Variants in C12orf75 observed in about 807,000 individuals in gnomAD.
C12orf75 encodes chromosome 12 open reading frame 75.
A neutral mutation model predicts 11.4 loss-of-function variants in C12orf75; 4 were observed. That is an observed-to-expected ratio of 0.35 (90% CI 0.17 to 0.80). C12orf75 has a LOEUF of 0.80. C12orf75 is among the 30% of genes least tolerant of loss of function. The pLI, the probability that C12orf75 is intolerant of heterozygous loss-of-function variation, is 0.52. For missense variants in C12orf75, 89 were observed against 80.4 expected, an observed-to-expected ratio of 1.11 and a Z score of -0.41; for synonymous variants, 30 against 30.0, an observed-to-expected ratio of 1.00 and a Z score of 0.00.
chr12:105,362,438 C>G (rs11112491), intron 2 of C12orf75, among the ~76,000 whole-genome samples: 6 of 138,644 alleles, frequency 4.3e-5, no homozygotes, highest in African/African-American at 8.3e-5. Context: ...GAGGCTGAGG[C>G]GGGTGGATCA....
intron 2 of C12orf75, 47 bp from the exon 3 acceptor site, chr12:105,365,760 C>T (rs1871451807): frequency 5.7e-6 from 8 of 1,392,350 alleles, no homozygotes; most frequent in African/African-American, 1.4e-5. Flanking sequence ...ATGAAGTCCC[C>T]GACTATGTAA....
At chr12:105,365,739 C>T in intron 2 of C12orf75, 68 bp from the exon 3 acceptor site, 1 of 1,131,484 alleles carries the variant, frequency 8.8e-7, no homozygotes. Flanking sequence ...CCCTTTTTCT[C>T]ATAACCAAAA....
At chr12:105,363,664 G>T (rs552385801) in intron 2 of C12orf75, among the ~76,000 whole-genome samples, 3 of 151,974 alleles carry the variant, frequency 2.0e-5, no homozygotes, top group Non-Finnish European at 2.9e-5. Context: ...GTCAGAGGTT[G>T]CAGGGAGCCG....
chr12:105,336,850 G>A (rs927053156), intron 1 of C12orf75, among the ~76,000 whole-genome samples: 1 of 152,216 alleles, frequency 6.6e-6, no homozygotes, highest in Non-Finnish European at 1.5e-5. Context: ...AAGTGATGAT[G>A]AATAAAGAGA....
intron 2 of C12orf75, among the ~76,000 whole-genome samples, chr12:105,349,323 G>C (rs930543257): frequency 2.0e-5 from 3 of 152,228 alleles, no homozygotes; most frequent in Admixed American, 6.5e-5. Flanking sequence ...TGGGTGTCAA[G>C]ACTGATTCAC....
intron 5 of C12orf75, among the ~76,000 whole-genome samples, chr12:105,368,958 C>T (rs1013492969): frequency 3.3e-5 from 5 of 152,068 alleles, no homozygotes; most frequent in East Asian, 1.9e-4. Flanking sequence ...CTGAGTTCTC[C>T]GCTAGTTTTC....
chr12:105,338,517 G>A (rs915303534), intron 1 of C12orf75, among the ~76,000 whole-genome samples: 3 of 152,122 alleles, frequency 2.0e-5, no homozygotes, highest in Admixed American at 6.5e-5. Flanking sequence ...GCTTGTCTTA[G>A]TTCATTTTTG....
chr12:105,364,108 A>G (rs544684988), intron 2 of C12orf75, among the ~76,000 whole-genome samples: 7 of 152,282 alleles, frequency 4.6e-5, no homozygotes, highest in Non-Finnish European at 7.3e-5. Context: ...GCTACCAGTT[A>G]TATACAGATT....
intron 1 of C12orf75, among the ~76,000 whole-genome samples, chr12:105,334,811 CA>C (rs1288590017): frequency 1.1e-4 from 16 of 152,224 alleles, no homozygotes; most frequent in African/African-American, 3.9e-4. Context: ...TTAATGATGT[CA>C]GCAGGTTGGT....
At chr12:105,344,082 G>A (rs1380033466) in intron 1 of C12orf75, among the ~76,000 whole-genome samples, 1 of 152,184 alleles carries the variant, frequency 6.6e-6, no homozygotes, top group East Asian at 1.9e-4. Context: ...GGCCCTTGAT[G>A]GTGCCCATAG....
chr12:105,352,773 C>T (rs1892729270), intron 2 of C12orf75, among the ~76,000 whole-genome samples: 1 of 152,066 alleles, frequency 6.6e-6, no homozygotes. Context: ...CTATGACAGG[C>T]TAGAGAACTC....
chr12:105,362,395 A>AT (rs1892882390), intron 2 of C12orf75, among the ~76,000 whole-genome samples: 1 of 144,902 alleles, frequency 6.9e-6, no homozygotes, highest in Admixed American at 6.9e-5. Context: ...AAAAAAAAAA[A>AT]AAAAAAAAAA....
chr12:105,348,842 A>T (rs1892674756), intron 2 of C12orf75, among the ~76,000 whole-genome samples: 1 of 152,210 alleles, frequency 6.6e-6, no homozygotes, highest in Non-Finnish European at 1.5e-5. Context: ...GGGCACTTTA[A>T]CTCAGGATCT....
chr12:105,347,191 A>C (rs925095069), intron 1 of C12orf75, among the ~76,000 whole-genome samples: 1 of 152,246 alleles, frequency 6.6e-6, no homozygotes, highest in Non-Finnish European at 1.5e-5. Flanking sequence ...AGTAATGGGG[A>C]TGGAGACCAG....
intron 1 of C12orf75, among the ~76,000 whole-genome samples, chr12:105,343,351 A>G (rs1892596472): frequency 6.6e-6 from 1 of 152,230 alleles, no homozygotes; most frequent in African/African-American, 2.4e-5. Context: ...TTGGCAGGAC[A>G]TGAAGTGGTA....
intron 2 of C12orf75, among the ~76,000 whole-genome samples, chr12:105,349,517 T>C (rs1054122466): frequency 2.6e-5 from 4 of 152,210 alleles, no homozygotes; most frequent in African/African-American, 9.6e-5. Flanking sequence ...CCCACTTTCT[T>C]ATTGGCTTAC....
chr12:105,367,423 A>G (rs1871505332), intron 4 of C12orf75, 49 bp from the exon 5 acceptor site: 2 of 666,940 alleles, frequency 3.0e-6, no homozygotes, highest in South Asian at 2.0e-5. Flanking sequence ...AAATTAGAAT[A>G]TGCTATTTAT....
At position 105,348,631 on chromosome 12, in the gene C12orf75, G is replaced by A. The variant is rs2136145186; in HGVS notation, c.71+5G>A. 6 of 1,532,938 alleles carry A rather than the reference G, an allele frequency of 3.9e-6. No homozygotes were observed. Among genetic ancestry groups the A allele is most frequent in the South Asian group, 2.4e-5 (2 of 81,658 alleles). The allele number at this position is 1,532,938 out of a possible 1,614,324, so 95.0% of individuals were successfully genotyped here. ...TGCAGGAGCAGCCAAAGATGTGTAA[G>A]TATTGAATATTAATGATTTTATAAG... On this transcript the variant is annotated splice_donor_5th_base_variant and intron_variant, in intron 2 of 5. Transcript: ENST00000443585.
chr12:105,342,082 G>T (rs561174297), intron 1 of C12orf75, among the ~76,000 whole-genome samples: 1 of 152,318 alleles, frequency 6.6e-6, no homozygotes, highest in African/African-American at 2.4e-5. Flanking sequence ...TTAGCAGCAT[G>T]AGAACAGACT....
Sources: gnomAD v4.1 joint callset for allele counts (sites outside exome capture counted in the v4.1 genomes callset) on GRCh38, gnomAD v4.1.1 for gene constraint, MANE v1.5 for transcripts, NCBI Gene and HGNC (gene_info 2026-07-23, HGNC 2026-07-21) for gene names.